SSH3: variants seen among roughly 807,000 people sequenced by gnomAD.
SSH3 encodes protein phosphatase Slingshot homolog 3.
SSH3 carries 67 observed loss-of-function variants against 75.0 expected under a neutral mutation model. The observed-to-expected ratio is 0.89, with a 90% CI of 0.73 to 1.10. SSH3 has a LOEUF of 1.10. Ranked by LOEUF, SSH3 falls within the 50% of genes least tolerant of loss-of-function variation. The pLI, the probability that SSH3 is intolerant of heterozygous loss-of-function variation, is 0.00. For synonymous variants in SSH3, 318 were observed against 349.2 expected (o/e 0.91, Z 1.00); for missense variants, 824 against 872.7 (o/e 0.94, Z 0.70).
chr11:67,311,346 G>T (rs1861409115), intron 13 of SSH3, among the ~76,000 whole-genome samples: 1 of 152,162 alleles, frequency 6.6e-6, no homozygotes, highest in Admixed American at 6.5e-5. Flanking sequence ...CTGGGGGCCA[G>T]AAGGAAGCTA....
In SSH3 at chr11:67,304,831, GATGATGCAGCAGAGGC is replaced by G; in HGVS notation, c.164_179del (p.Asp55AlafsTer46). On this transcript the variant is annotated frameshift_variant, in exon 3 of 14. Coordinates refer to ENST00000308127, the MANE Select transcript of SSH3 (RefSeq NM_017857.4). LOFTEE classifies it high-confidence loss of function. ...GGGACTGCAGGATGGAGGGGACAAT[GATGATGCAGCAGAGGC>G]CAGTTCTGAGCCAACAGAGAAGGCC... 1 of 1,613,538 alleles carries G rather than the reference GATGATGCAGCAGAGGC, an allele frequency of 6.2e-7. No homozygotes were observed. The highest frequency in any genetic ancestry group is 8.5e-7 in the Non-Finnish European group (1 of 1,179,884).
At chr11:67,311,323 C>A (rs184213266) in intron 13 of SSH3, among the ~76,000 whole-genome samples, 1 of 152,206 alleles carries the variant, frequency 6.6e-6, no homozygotes, top group African/African-American at 2.4e-5. Context: ...CTCCAGGGAG[C>A]TGAGGAGGGC....
intron 3 of SSH3, 111 bp from the exon 4 acceptor site, chr11:67,306,727 G>A: frequency 1.6e-6 from 2 of 1,260,086 alleles, no homozygotes; most frequent in Non-Finnish European, 2.1e-6. Context: ...TGGGAAGAGG[G>A]GGGATGGGAG....
chr11:67,310,107 C>T lies in SSH3; in HGVS notation c.1451C>T (p.Ser484Phe). The change falls in exon 13 of 14, where the codon TCC (serine) becomes TTC (phenylalanine). Residue 484 changes from serine (S) to phenylalanine (F), a missense_variant. Transcript: ENST00000308127. ...TGGGAGCAGAAAGTGGGTGGGGTCT[C>T]CCCAGAGGAGCACCCAGCCCCTGAA... ...HVWEQKVGGVSPEEHPAPEVS... is the reference protein window; with the variant it reads ...HVWEQKVGGVFPEEHPAPEVS... The T allele has an allele frequency of 6.2e-7, 1 of 1,614,036 alleles. No individual in the cohort carries two copies. The highest frequency in any genetic ancestry group is 8.5e-7 in the Non-Finnish European group (1 of 1,180,022).
At chr11:67,310,655 CAGGCTGGAGAGGGG>C (rs1861385225) in intron 13 of SSH3, among the ~76,000 whole-genome samples, 1 of 152,134 alleles carries the variant, frequency 6.6e-6, no homozygotes, top group African/African-American at 2.4e-5. Context: ...ACTGTAGGCA[CAGGCTGGAGAGGGG>C]TCACGGGGGC....
At chr11:67,303,848 T>G in intron 1 of SSH3, 157 bp downstream of exon 1, 1 of 810,348 alleles carries the variant, frequency 1.2e-6, no homozygotes, top group Non-Finnish European at 1.8e-6. Flanking sequence ...TCTCTGGTAC[T>G]GGCGCCGGGG....
chr11:67,311,632 G>GC lies in SSH3; in HGVS notation c.1728dup (p.Phe577LeufsTer76). 1 of 1,614,128 alleles carries GC rather than the reference G, an allele frequency of 6.2e-7. No individual in the cohort carries two copies. The highest frequency in any genetic ancestry group is 8.5e-7 in the Non-Finnish European group (1 of 1,180,018). Reference sequence around the variant, plus strand: ...AGTCTTCACATGAAGAGCCTCTGCAGCCCTTCCCACAGCTTGCAAGGACCA... The same window carrying GC: ...AGTCTTCACATGAAGAGCCTCTGCAGCCCCTTCCCACAGCTTGCAAGGACCA... On this transcript the variant is annotated frameshift_variant, in exon 14 of 14. Transcript: ENST00000308127. LOFTEE classifies it low-confidence loss of function (END_TRUNC).
rs1861369354 is a variant in SSH3, at chr11:67,310,078, T to C, written c.1422T>C (p.His474=). 6.2e-7 allele frequency: 1 copy of C among 1,613,168 alleles called. No homozygotes were observed. The highest frequency in any genetic ancestry group is 1.3e-5 in the African/African-American group (1 of 74,914). ...CACCTCCTCACAGCCGCCAGAGCCA[T>C]GTCTGGGAGCAGAAAGTGGGTGGGG... ...QGILTASRQS[H]VWEQKVGGVS... is the part of the protein sequence containing the mutation. Residue 474 remains histidine (H), a synonymous_variant, in exon 13 of 14, where the codon CAT becomes CAC. Transcript: ENST00000308127.
chr11:67,305,336 G>A (rs1488623404), intron 3 of SSH3, among the ~76,000 whole-genome samples: 2 of 152,024 alleles, frequency 1.3e-5, no homozygotes, highest in Admixed American at 6.5e-5. Context: ...ACAGGCACCC[G>A]CCACTATGCC....
intron 2 of SSH3, 64 bp from the exon 3 acceptor site, chr11:67,304,709 G>C: frequency 6.7e-7 from 1 of 1,500,880 alleles, no homozygotes; most frequent in East Asian, 2.5e-5. Context: ...ATGCATGCTA[G>C]ACTTTGAGAG....
Position 67,308,046 on chromosome 11 carries a change from G to T in SSH3, c.885+107G>T. The T allele has an allele frequency of 1.9e-6, 3 of 1,594,246 alleles. No individual in the cohort carries two copies. The highest frequency in any genetic ancestry group is 2.6e-6 in the Non-Finnish European group (3 of 1,169,628). ...TGTCTCCAGTCCTGAGCCATTCCTG[G>T]ATGCCTTGGCCTTGGCCCTAATCCA... On this transcript the variant is annotated intron_variant, in intron 8 of 13. Transcript: ENST00000308127. This position sits in a 1 kb window ranked among gnomAD's most constrained non-coding sequence, Gnocchi z 4.9.
intron 1 of SSH3, 56 bp from the exon 2 acceptor site, chr11:67,304,062 G>C (rs1268604048): frequency 6.5e-7 from 1 of 1,535,548 alleles, no homozygotes; most frequent in Non-Finnish European, 8.7e-7. Context: ...TCCTGAGAGA[G>C]GGGAGGGGAC....
At position 67,311,781 on chromosome 11, in the gene SSH3, G is replaced by C; in HGVS notation, c.1874G>C (p.Gly625Ala). The change falls in exon 14 of 14, where the codon GGG (glycine) becomes GCG (alanine). Residue 625 changes from glycine to alanine, a missense_variant. Transcript: ENST00000308127. ...RTQAFQEQEQ[G>A]QGQGQGEPCI... ...CAGGCCTTCCAGGAGCAGGAGCAGGGGCAGGGGCAGGGGCAGGGAGAGCCC... is the reference window on the plus strand; with the variant it reads ...CAGGCCTTCCAGGAGCAGGAGCAGGCGCAGGGGCAGGGGCAGGGAGAGCCC... 1 of 1,613,046 alleles carries C rather than the reference G, an allele frequency of 6.2e-7. No homozygotes were observed. Among genetic ancestry groups the C allele is most frequent in the African/African-American group, 1.3e-5 (1 of 74,676 alleles).
Position 67,304,055 on chromosome 11 carries a change from T to C in SSH3, c.67-63T>C, listed in dbSNP as rs990582773. 6 of 1,529,270 alleles carry C rather than the reference T, an allele frequency of 3.9e-6. No individual in the cohort carries two copies. The African/African-American group carries it at 5.5e-5, about 14-fold the overall frequency. The allele number at this position is 1,529,270 out of a possible 1,614,324, so 94.7% of individuals were successfully genotyped here. A position where few individuals can be genotyped will look rare whatever the true frequency, so the allele number is the denominator to read the frequency against. ...TGGCCTCCCCCAACTCTAGAATTCCTGAGAGAGGGGAGGGGACAGCCCTCC... is the reference window on the plus strand; with the variant it reads ...TGGCCTCCCCCAACTCTAGAATTCCCGAGAGAGGGGAGGGGACAGCCCTCC... On this transcript the variant is annotated intron_variant, in intron 1 of 13. Coordinates refer to ENST00000308127, the MANE Select transcript of SSH3 (RefSeq NM_017857.4).
In SSH3 at chr11:67,308,426, C is replaced by G. The variant is rs149991072; in HGVS notation, c.1029C>G (p.Asn343Lys). 1 of 1,608,856 alleles carries G rather than the reference C, an allele frequency of 6.2e-7. No individual in the cohort carries two copies. The highest frequency in any genetic ancestry group is 1.1e-5 in the South Asian group (1 of 90,388). ...FPHLYLGSEW[N>K]AANLEELQRN... is the part of the protein sequence containing the mutation. Reference sequence around the variant, plus strand: ...CTCTCTCCCAGGGCTCAGAGTGGAACGCAGCAAACCTGGAGGAGCTGCAGA... The same window carrying G: ...CTCTCTCCCAGGGCTCAGAGTGGAAGGCAGCAAACCTGGAGGAGCTGCAGA... Residue 343 changes from asparagine (N) to lysine (K), a missense_variant, in exon 10 of 14, where the codon AAC (asparagine) becomes AAG (lysine). By Grantham distance (94) the Asn-to-Lys change is moderately conservative. Transcript: ENST00000308127. This position sits in a 1 kb window ranked among gnomAD's most constrained non-coding sequence, Gnocchi z 4.9.
intron 13 of SSH3, among the ~76,000 whole-genome samples, 178 bp from the exon 14 acceptor site, chr11:67,311,413 C>T (rs534454088): frequency 8.1e-4 from 123 of 152,280 alleles, no homozygotes; most frequent in African/African-American, 2.3e-3. Context: ...TCCTCCCTCC[C>T]GAGGAAGCGT....
Position 67,303,566 on chromosome 11 carries a change from C to G in SSH3, c.-60C>G, listed in dbSNP as rs576870979. On this transcript the variant is annotated 5_prime_UTR_variant, in exon 1 of 14. Transcript: ENST00000308127. ...CTGGTCCTGCGGGTCCAGGACTGTCCGCGGGGTTGAGGGAAGGGGCCGTGC... is the reference window on the plus strand; with the variant it reads ...CTGGTCCTGCGGGTCCAGGACTGTCGGCGGGGTTGAGGGAAGGGGCCGTGC... The G allele has an allele frequency of 9.9e-4, 1,477 of 1,490,336 alleles. 2 individuals carry two copies. The highest frequency in any genetic ancestry group is 1.3e-3 in the Non-Finnish European group (1,399 of 1,116,064). The allele number at this position is 1,490,336 out of a possible 1,614,324, so 92.3% of individuals were successfully genotyped here.
intron 11 of SSH3, 110 bp downstream of exon 11, chr11:67,309,653 T>A (rs1188366733): frequency 1.9e-6 from 3 of 1,573,766 alleles, no homozygotes; most frequent in Non-Finnish European, 2.6e-6. Context: ...GCCCTCAGTG[T>A]CCTTCCCTCC....
chr11:67,307,208 T>C lies in SSH3; in HGVS notation c.536+95T>C. ...TGGGCACCAGGGTACAGTAGAACTT[T>C]AGGCTGGGACTCTGGGGCCTGCTCC... On this transcript the variant is annotated intron_variant, in intron 5 of 13. Transcript: ENST00000308127. This position sits in a 1 kb window ranked among gnomAD's most constrained non-coding sequence, Gnocchi z 4.2. 1 of 1,569,428 alleles carries C rather than the reference T, an allele frequency of 6.4e-7. No homozygotes were observed. The highest frequency in any genetic ancestry group is 1.2e-5 in the South Asian group (1 of 86,896).
Sources: allele counts gnomAD v4.1 joint callset (sites outside exome capture counted in the v4.1 genomes callset), GRCh38; gene constraint gnomAD v4.1.1; non-coding constraint Gnocchi (gnomAD v3.1); transcripts MANE v1.5; gene names NCBI Gene and HGNC (gene_info 2026-07-23, HGNC 2026-07-21).